Variants in MTUS2 observed in about 807,000 individuals in gnomAD.
MTUS2 encodes the protein microtubule-associated tumor suppressor candidate 2.
MTUS2 carries 40 observed loss-of-function variants against 114.1 expected under a neutral mutation model. The observed-to-expected ratio is 0.35, with a 90% confidence interval of 0.27 to 0.46. The LOEUF is 0.46. Ranked by LOEUF, MTUS2 falls within the 20% of genes least tolerant of loss-of-function variation. The pLI is 1.00. For synonymous variants in MTUS2, 688 were observed against 672.0 expected (o/e 1.02, Z -0.37); for missense variants, 1,679 against 1,705.4 (o/e 0.98, Z 0.27).
chr13:28,954,354 A>G (rs1882960904), intron 2 of MTUS2, among the ~76,000 whole-genome samples: 1 of 152,200 alleles, frequency 6.6e-6, no homozygotes, highest in East Asian at 1.9e-4. Flanking sequence ...CCAGTGGGTC[A>G]CTTCTTAATT....
rs1302145837 is a variant in MTUS2 at position 29,301,844 on chromosome 13, C to T, written c.2806+19979C>T. ...TTCTAATAATTATGGCTGGGAATTC[C>T]AAGATGAAGGCATGGGAAGATTTAA... On this transcript the variant is annotated intron_variant, in intron 6 of 15. Coordinates refer to ENST00000612955, the MANE Select transcript of MTUS2 (RefSeq NM_001033602.4). 2.0e-5 allele frequency among the ~76,000 whole-genome samples: 3 copies of T among 152,264 alleles called. No individual in the cohort carries two copies. In the East Asian group the frequency reaches 5.8e-4, roughly 29 times the overall value.
At chr13:28,852,975 T>TACACA (rs57396668) in intron 2 of MTUS2, among the ~76,000 whole-genome samples, 1 of 151,134 alleles carries the variant, frequency 6.6e-6, no homozygotes, top group African/African-American at 2.4e-5. Flanking sequence ...ATACATACAT[T>TACACA]CATTCATTCA....
At chr13:29,402,370 T>C (rs1874410024) in intron 8 of MTUS2, among the ~76,000 whole-genome samples, 1 of 152,110 alleles carries the variant, frequency 6.6e-6, no homozygotes, top group South Asian at 2.1e-4. Context: ...ATGTAGAGTG[T>C]CAGCAGATGG....
At chr13:28,952,900 C>G (rs1233029657) in intron 2 of MTUS2, among the ~76,000 whole-genome samples, 2 of 152,092 alleles carry the variant, frequency 1.3e-5, no homozygotes, top group African/African-American at 2.4e-5. Flanking sequence ...TTTGTACATT[C>G]TTTTTGTACT....
At chr13:28,902,117 T>G (rs1049336638) in intron 2 of MTUS2, among the ~76,000 whole-genome samples, 8 of 152,168 alleles carry the variant, frequency 5.3e-5, no homozygotes, top group Non-Finnish European at 1.0e-4. Flanking sequence ...TGTTTTCGAT[T>G]TTGGTTAATA....
intron 2 of MTUS2, among the ~76,000 whole-genome samples, chr13:28,999,077 G>A (rs1390569866): frequency 1.3e-5 from 2 of 152,100 alleles, no homozygotes; most frequent in East Asian, 3.9e-4. Context: ...TGGTGTGGAT[G>A]TCCTTTCTGT....
intron 4 of MTUS2, among the ~76,000 whole-genome samples, chr13:29,096,560 C>T (rs1890188014): frequency 6.6e-6 from 1 of 152,204 alleles, no homozygotes; most frequent in Non-Finnish European, 1.5e-5. Context: ...ATGGAGCTAC[C>T]AGCCTCCTCC....
intron 2 of MTUS2, among the ~76,000 whole-genome samples, chr13:28,940,342 T>A (rs1166546788): frequency 6.6e-6 from 1 of 152,166 alleles, no homozygotes; most frequent in Non-Finnish European, 1.5e-5. Flanking sequence ...AAAAAGATGC[T>A]AAGTGAAAGA....
At chr13:29,343,435 T>C (rs1274111458) in intron 7 of MTUS2, among the ~76,000 whole-genome samples, 1 of 152,142 alleles carries the variant, frequency 6.6e-6, no homozygotes, top group Non-Finnish European at 1.5e-5. Flanking sequence ...TTCTACTATG[T>C]GCATGTAAAG....
At chr13:28,840,280 A>G (rs1875384587) in intron 2 of MTUS2, among the ~76,000 whole-genome samples, 1 of 152,184 alleles carries the variant, frequency 6.6e-6, no homozygotes, top group Non-Finnish European at 1.5e-5. Flanking sequence ...AGACGACCAG[A>G]CTGGGAGGAA....
intron 1 of MTUS2, among the ~76,000 whole-genome samples, chr13:28,837,933 C>A (rs1875206439): frequency 6.7e-6 from 1 of 150,008 alleles, no homozygotes; most frequent in African/African-American, 2.5e-5. Flanking sequence ...CATTTCATTT[C>A]ATGGTCTTAT....
At chr13:29,212,733 G>A (rs1266034994) in intron 5 of MTUS2, among the ~76,000 whole-genome samples, 1 of 152,272 alleles carries the variant, frequency 6.6e-6, no homozygotes, top group Non-Finnish European at 1.5e-5. Flanking sequence ...GGTCCAGAGG[G>A]GTCCTGAGTG....
At chr13:29,376,580 T>C (rs918146054) in intron 8 of MTUS2, among the ~76,000 whole-genome samples, 57 of 152,158 alleles carry the variant, frequency 3.7e-4, no homozygotes, top group Non-Finnish European at 2.9e-5. Flanking sequence ...TTAAATGTAA[T>C]GTAATGATTT....
chr13:29,132,573 ACT>A (rs1468716769), intron 5 of MTUS2, among the ~76,000 whole-genome samples: 3 of 151,868 alleles, frequency 2.0e-5, no homozygotes, highest in African/African-American at 7.3e-5. Context: ...GAATGTGACC[ACT>A]CTAGATACCT....
At chr13:29,041,282 CTTTA>C (rs1330834639) in intron 4 of MTUS2, among the ~76,000 whole-genome samples, 2 of 152,072 alleles carry the variant, frequency 1.3e-5, no homozygotes, top group Non-Finnish European at 2.9e-5. Context: ...TTTCTGGGTT[CTTTA>C]TTCTGTTCCA....
chr13:29,346,457 G>A lies in MTUS2; in HGVS notation c.2906-12805G>A, dbSNP rs183485701. Among the ~76,000 whole-genome samples, 65 of 152,022 alleles carry A rather than the reference G, an allele frequency of 4.3e-4. 2 individuals carry two copies. The highest frequency in any genetic ancestry group is 1.5e-3 in the African/African-American group (63 of 41,410). On this transcript the variant is annotated intron_variant, in intron 7 of 15. Transcript: ENST00000612955. ...AGGGGGATTATGGCTGCCTCTGCTG[G>A]GTCACGCAGGTTGCCAGGGGACTGG...
chr13:29,377,651 A>G (rs1871854789), intron 8 of MTUS2, among the ~76,000 whole-genome samples: 1 of 132,550 alleles, frequency 7.5e-6, no homozygotes, highest in Admixed American at 8.5e-5. Flanking sequence ...TTATGGCATT[A>G]CATGCACATA....
intron 2 of MTUS2, among the ~76,000 whole-genome samples, chr13:28,961,848 GGT>G (rs1883343643): frequency 1.3e-5 from 2 of 151,738 alleles, no homozygotes; most frequent in South Asian, 4.2e-4. Context: ...ATACTCTGAG[GGT>G]AAAATGATTT....
At chr13:29,107,228 ATTTGTT>A (rs1890706685) in intron 5 of MTUS2, among the ~76,000 whole-genome samples, 2 of 151,800 alleles carry the variant, frequency 1.3e-5, no homozygotes, top group Admixed American at 1.3e-4. Context: ...TCTTGTAGTT[ATTTGTT>A]TTTATGTCCT....
Sources: allele counts gnomAD v4.1 joint callset (sites outside exome capture counted in the v4.1 genomes callset), GRCh38; gene constraint gnomAD v4.1.1; transcripts MANE v1.5; gene names NCBI Gene and HGNC (gene_info 2026-07-23, HGNC 2026-07-21).